The following GABRB1 variants were observed in gnomAD, a reference collection of about 807,000 sequenced individuals.
GABRB1 encodes the protein gamma-aminobutyric acid receptor subunit beta-1.
Under a neutral mutation model 51.6 loss-of-function variants are expected in GABRB1, and 17 were observed. The ratio of observed to expected loss-of-function variants is 0.33; its 90% confidence interval spans 0.23 to 0.49. GABRB1 has a LOEUF of 0.49. Among genes scored for constraint, GABRB1 ranks in the 20% least tolerant of loss-of-function variants. GABRB1 has a pLI of 0.99. For missense variants in GABRB1, 410 were observed against 600.6 expected (o/e 0.68, Z 3.32); for synonymous variants, 247 against 218.9 (o/e 1.13, Z -1.14).
intron 5 of GABRB1, among the ~76,000 whole-genome samples, chr4:47,346,877 A>G (rs1048466780): frequency 2.0e-5 from 3 of 152,228 alleles, no homozygotes; most frequent in African/African-American, 7.2e-5. Flanking sequence ...AACATTTTGT[A>G]CCAGCAGCCT....
At chr4:47,161,998 G>A (rs981051303) in intron 4 of GABRB1, among the ~76,000 whole-genome samples, 2 of 151,966 alleles carry the variant, frequency 1.3e-5, no homozygotes, top group South Asian at 4.1e-4. Context: ...CTAGTGGTTG[G>A]TTATTTAGTT....
At chr4:47,001,759 C>G (rs148505694) in intron 1 of GABRB1, among the ~76,000 whole-genome samples, 209 of 152,314 alleles carry the variant, frequency 1.4e-3, no homozygotes, top group Non-Finnish European at 1.8e-3. Context: ...AATCTATACT[C>G]TATCGGTTCA....
chr4:47,011,746 CT>C (rs1262436229), intron 1 of GABRB1, among the ~76,000 whole-genome samples: 1 of 152,020 alleles, frequency 6.6e-6, no homozygotes, highest in Non-Finnish European at 1.5e-5. Flanking sequence ...AAAACTTCCC[CT>C]TTTCAAGCTT....
chr4:47,376,377 T>A (rs1395631595), intron 5 of GABRB1, among the ~76,000 whole-genome samples: 2 of 152,212 alleles, frequency 1.3e-5, no homozygotes, highest in Non-Finnish European at 2.9e-5. Flanking sequence ...CCGGGCGCAG[T>A]GGCTCACGCC....
At chr4:47,390,932 C>T (rs1727966534) in intron 5 of GABRB1, among the ~76,000 whole-genome samples, 1 of 152,098 alleles carries the variant, frequency 6.6e-6, no homozygotes. Flanking sequence ...AATGACAGCA[C>T]TTTGGGAGGC....
intron 3 of GABRB1, among the ~76,000 whole-genome samples, chr4:47,090,031 G>A (rs890829322): frequency 1.1e-4 from 16 of 151,944 alleles, no homozygotes; most frequent in African/African-American, 3.9e-4. Flanking sequence ...ATCACATTTG[G>A]GACTGTTCTT....
At position 47,155,933 on chromosome 4, in the gene GABRB1, A is replaced by ATATATATATATATATG. The variant is rs1230266984; in HGVS notation, c.241-5303_241-5302insATGTATATATATATAT. On this transcript the variant is annotated intron_variant, in intron 3 of 8. Coordinates refer to ENST00000295454, the MANE Select transcript of GABRB1 (RefSeq NM_000812.4). ...GGTATTTTCATATATATATATATAT[A>ATATATATATATATATG]TATATATATATATGAAACCACTTTT... Among the ~76,000 whole-genome samples the ATATATATATATATATG allele has an allele frequency of 1.7e-4, 16 of 94,764 alleles. 4 individuals are homozygous for ATATATATATATATATG. Among genetic ancestry groups the ATATATATATATATATG allele is most frequent in the African/African-American group, 9.9e-4 (16 of 16,106 alleles). The allele number at this position is 94,764 out of a possible 152,430, so 62.2% of individuals were successfully genotyped here.
chr4:47,162,650 T>TTA (rs969215208), intron 4 of GABRB1, among the ~76,000 whole-genome samples: 6 of 152,032 alleles, frequency 3.9e-5, no homozygotes, highest in African/African-American at 1.4e-4. Flanking sequence ...GAGAAGTACC[T>TTA]TATATAAGGG....
chr4:47,167,032 G>A (rs552990590), intron 4 of GABRB1, among the ~76,000 whole-genome samples: 3 of 152,210 alleles, frequency 2.0e-5, no homozygotes, highest in African/African-American at 7.2e-5. Context: ...GTACAGGATT[G>A]TGTATTTGTT....
At chr4:47,400,304 G>T (rs1448049886) in intron 5 of GABRB1, among the ~76,000 whole-genome samples, 1 of 152,200 alleles carries the variant, frequency 6.6e-6, no homozygotes. Flanking sequence ...AAGAGTTCAA[G>T]CTATTATTTG....
At chr4:47,266,962 G>A (rs1045092557) in intron 4 of GABRB1, among the ~76,000 whole-genome samples, 7 of 151,768 alleles carry the variant, frequency 4.6e-5, no homozygotes, top group Non-Finnish European at 1.0e-4. Flanking sequence ...TAGTTGCTCT[G>A]GTGGATAACA....
At chr4:47,338,597 T>G (rs1346291567) in intron 5 of GABRB1, among the ~76,000 whole-genome samples, 1 of 152,218 alleles carries the variant, frequency 6.6e-6, no homozygotes, top group African/African-American at 2.4e-5. Flanking sequence ...TATTTCTCCC[T>G]ATTATTGGCA....
chr4:47,213,997 A>G (rs1720463079), intron 4 of GABRB1, among the ~76,000 whole-genome samples: 1 of 151,834 alleles, frequency 6.6e-6, no homozygotes, highest in African/African-American at 2.4e-5. Context: ...TCATCCCCGC[A>G]CCCCAAACAG....
intron 3 of GABRB1, among the ~76,000 whole-genome samples, chr4:47,150,699 G>A (rs572628924): frequency 6.6e-6 from 1 of 151,722 alleles, no homozygotes; most frequent in Non-Finnish European, 1.5e-5. Flanking sequence ...ACACAAAATT[G>A]CCTACCACAT....
chr4:47,293,030 TTATCAATAACAATTTA>T (rs544583288), intron 4 of GABRB1, among the ~76,000 whole-genome samples: 102 of 152,352 alleles, frequency 6.7e-4, no homozygotes, highest in African/African-American at 2.0e-3. Flanking sequence ...CAATAACATT[TTATCAATAACAATTTA>T]TATCAATAAC....
intron 4 of GABRB1, among the ~76,000 whole-genome samples, chr4:47,178,479 G>C (rs1210125480): frequency 4.6e-5 from 7 of 152,028 alleles, no homozygotes; most frequent in Non-Finnish European, 1.0e-4. Flanking sequence ...TACGTGCTGA[G>C]ACTTTTGTCA....
intron 5 of GABRB1, among the ~76,000 whole-genome samples, chr4:47,383,145 A>C (rs1467478262): frequency 6.6e-6 from 1 of 152,240 alleles, no homozygotes; most frequent in Non-Finnish European, 1.5e-5. Context: ...CAGTTTGTGA[A>C]TCTCAAAAGC....
At chr4:47,009,315 A>T (rs887454261) in intron 1 of GABRB1, among the ~76,000 whole-genome samples, 1 of 151,802 alleles carries the variant, frequency 6.6e-6, no homozygotes, top group African/African-American at 2.4e-5. Context: ...CACATTTACC[A>T]CACAAAATAT....
In GABRB1 at chr4:47,271,036, G is replaced by A. The variant is rs193121730; in HGVS notation, c.462-49091G>A. On this transcript the variant is annotated intron_variant, in intron 4 of 8. Coordinates refer to ENST00000295454, the MANE Select transcript of GABRB1 (RefSeq NM_000812.4). ...GGTTGTTTCTTCTCTCCTTTTAAAG[G>A]CAATCAAGTTGAAAATATAAAATAA... is the stretch of plus-strand genomic sequence containing the variant. 3.9e-3 allele frequency among the ~76,000 whole-genome samples: 596 copies of A among 152,152 alleles called. 6 individuals are homozygous for A. Among genetic ancestry groups the A allele is most frequent in the Non-Finnish European group, 6.0e-3 (408 of 67,998 alleles).
Sources: gnomAD v4.1 joint callset for allele counts (sites outside exome capture counted in the v4.1 genomes callset) on GRCh38, gnomAD v4.1.1 for gene constraint, MANE v1.5 for transcripts, NCBI Gene and HGNC (gene_info 2026-07-23, HGNC 2026-07-21) for gene names.